The following SELENON variants were observed in gnomAD, a reference collection of about 807,000 sequenced individuals.
The protein encoded by SELENON is selenoprotein N, also known as selenoprotein N, 1.
SELENON carries 44 observed loss-of-function variants against 59.5 expected under a neutral mutation model. The observed-to-expected ratio is 0.74, with a 90% CI of 0.58 to 0.95. The LOEUF (loss-of-function observed/expected upper bound fraction) is 0.95. SELENON is among the 40% of genes least tolerant of loss of function. SELENON has a pLI of 0.00. For synonymous variants in SELENON, 320 were observed against 305.6 expected, an observed-to-expected ratio of 1.05 and a Z score of -0.49; for missense variants, 674 against 721.4, an observed-to-expected ratio of 0.93 and a Z score of 0.75.
At chr1:25,811,563 G>T in intron 8 of SELENON, 28 bp downstream of exon 7, 1 of 1,612,488 alleles carries the variant, frequency 6.2e-7, no homozygotes, top group Non-Finnish European at 8.5e-7. Context: ...TCCCATCCAG[G>T]TGGGCTCGGC....
At position 25,802,420 on chromosome 1, in the gene SELENON, A is replaced by C. The variant is rs575630619; in HGVS notation, c.403+303A>C. 7.5e-4 allele frequency among the ~76,000 whole-genome samples: 114 copies of C among 152,280 alleles called. 1 individual carries two copies. Among genetic ancestry groups the C allele is most frequent in the African/African-American group, 2.6e-3 (107 of 41,572 alleles). On this transcript the variant is annotated intron_variant, in intron 3 of 12. Transcript: ENST00000361547. ...CACCTAGACTGGAGTGCAGTGACAT[A>C]ATCTCAGCTCACTGCAGCTTCTGCC...
rs1396314792 is a variant in SELENON, at chr1:25,815,695, G to C, written c.1750G>C (p.Gly584Arg). Residue 584 changes from glycine to arginine, a missense_variant, in exon 13 of 13, where the codon GGC becomes CGC. By Grantham distance (125) the Gly-to-Arg change is moderately radical (BLOSUM62 -2). Coordinates refer to ENST00000361547, the MANE Select transcript of SELENON (RefSeq NM_020451.3). ...GTTCCTGAAGGAGGGACTCCGGCGT[G>C]GCCTGCCCCTCCTCCAGCCCTAGAG... 20 of 1,613,940 alleles carry C rather than the reference G, an allele frequency of 1.2e-5. No individual in the cohort carries two copies. The highest frequency in any genetic ancestry group is 1.6e-5 in the Non-Finnish European group (19 of 1,180,022).
At chr1:25,808,907 C>G in intron 5 of SELENON, 118 bp downstream of exon 4, 1 of 1,576,562 alleles carries the variant, frequency 6.3e-7, no homozygotes, top group East Asian at 2.2e-5. Flanking sequence ...CTGCCTTCCT[C>G]TGGACCTGCC....
chr1:25,811,375 T>C (rs970679108), intron 7 of SELENON, 79 bp from the exon 7 acceptor site: 2 of 1,224,032 alleles, frequency 1.6e-6, no homozygotes, highest in African/African-American at 1.5e-5. Flanking sequence ...GTGGAGACAG[T>C]TGCAGGTATT....
At chr1:25,806,853 G>A (rs1270479379) in intron 4 of SELENON, among the ~76,000 whole-genome samples, 7 of 141,410 alleles carry the variant, frequency 5.0e-5, no homozygotes, top group Non-Finnish European at 7.5e-5. Context: ...ACGGAGTCTC[G>A]CTCTGTCGCC....
chr1:25,805,382 A>ACTCCAC lies in SELENON; in HGVS notation c.537+107_537+108insCTCCAC, dbSNP rs2047898390. 5 of 1,471,138 alleles carry ACTCCAC rather than the reference A, an allele frequency of 3.4e-6. No homozygotes were observed. The South Asian group carries it at 4.6e-5, about 14-fold the overall frequency. 91.1% of individuals were successfully genotyped at this position (1,471,138 alleles called of 1,614,324 possible). A position where few individuals can be genotyped will look rare whatever the true frequency, so the allele number is the denominator to read the frequency against. On this transcript the variant is annotated intron_variant, in intron 4 of 12. Coordinates refer to ENST00000361547, the MANE Select transcript of SELENON (RefSeq NM_020451.3). ...TGCCCTCTGTGTGCCCACTAGAGCC[A>ACTCCAC]GGCCCTGGAGGTCCATGTGCGGTGA...
At chr1:25,808,478 G>A (rs929245354) in intron 4 of SELENON, 102 bp from the exon 4 acceptor site, 2 of 1,381,948 alleles carry the variant, frequency 1.4e-6, no homozygotes, top group Non-Finnish European at 1.0e-6. Context: ...CTCCCTTGGT[G>A]TGGGCTGGCT....
At chr1:25,800,486 G>C in intron 1 of SELENON, 73 bp downstream of exon 1, 2 of 853,900 alleles carry the variant, frequency 2.3e-6, no homozygotes, top group East Asian at 6.6e-5. Flanking sequence ...CAGCAGGGGG[G>C]ACATGGGCAT....
At chr1:25,808,941 C>T (rs903851418) in intron 5 of SELENON, 85 bp from the exon 5 acceptor site, 42 of 1,607,084 alleles carry the variant, frequency 2.6e-5, no homozygotes, top group Admixed American at 1.0e-4. Context: ...GCCCCTGGGC[C>T]GTCGGGTCTG....
At chr1:25,803,120 G>A (rs748411726) in intron 3 of SELENON, among the ~76,000 whole-genome samples, 4 of 152,182 alleles carry the variant, frequency 2.6e-5, no homozygotes, top group Non-Finnish European at 4.4e-5. Context: ...GAAAGCAGAT[G>A]GGCAGATAAA....
intron 4 of SELENON, among the ~76,000 whole-genome samples, chr1:25,806,155 A>G (rs1446749616): frequency 6.6e-6 from 1 of 152,226 alleles, no homozygotes; most frequent in Non-Finnish European, 1.5e-5. Context: ...CAGGAGTGCC[A>G]GGCTGGTCAC....
At chr1:25,804,778 A>C (rs2047891322) in intron 3 of SELENON, among the ~76,000 whole-genome samples, 1 of 151,534 alleles carries the variant, frequency 6.6e-6, no homozygotes, top group Non-Finnish European at 1.5e-5. Flanking sequence ...GGTTCCCTTG[A>C]CTGAGTTCCT....
chr1:25,801,993 C>A (rs1557427177), intron 2 of SELENON: 1 of 219,258 alleles, frequency 4.6e-6, no homozygotes, highest in East Asian at 1.5e-4. Context: ...GCAGCTATAA[C>A]TTTTTTTTTT....
chr1:25,809,544 G>A, intron 6 of SELENON, 139 bp from the exon 6 acceptor site: 1 of 1,218,262 alleles, frequency 8.2e-7, no homozygotes, highest in Non-Finnish European at 1.2e-6. Flanking sequence ...AGCATTTGGA[G>A]AGCCTCGCTG....
Position 25,814,046 on chromosome 1 carries a change from C to T in SELENON, c.1501-31C>T, listed in dbSNP as rs72877469. On this transcript the variant is annotated intron_variant, in intron 11 of 12. Transcript: ENST00000361547. ...GCGTCCGGAACAGTGGTGGGGGCCGCGGCATCAGGAGTGTGCAACTGTCCC... is the reference window on the plus strand; with the variant it reads ...GCGTCCGGAACAGTGGTGGGGGCCGTGGCATCAGGAGTGTGCAACTGTCCC... 7.8e-3 allele frequency: 12,560 copies of T among 1,609,110 alleles called. 643 individuals are homozygous for T. The African/African-American group carries it at 0.13, about 16-fold the overall frequency.
intron 4 of SELENON, among the ~76,000 whole-genome samples, chr1:25,806,654 G>C (rs1557428801): frequency 6.6e-6 from 1 of 152,076 alleles, no homozygotes; most frequent in South Asian, 2.1e-4. Flanking sequence ...AGGTCCCCAG[G>C]GGATGTTGGA....
At chr1:25,813,310 G>A (rs937829515) in intron 10 of SELENON, among the ~76,000 whole-genome samples, 1 of 152,174 alleles carries the variant, frequency 6.6e-6, no homozygotes, top group African/African-American at 2.4e-5. Context: ...CCCGTCAACC[G>A]TCAGTGCAGC....
chr1:25,811,476 TG>T lies in SELENON; in HGVS notation c.1035del (p.Trp345CysfsTer?). 6.2e-7 allele frequency: 1 copy of T among 1,613,914 alleles called. No homozygotes were observed. The highest frequency in any genetic ancestry group is 8.5e-7 in the Non-Finnish European group (1 of 1,180,000). On this transcript the variant is annotated frameshift_variant, in exon 8 of 13. Coordinates refer to ENST00000361547, the MANE Select transcript of SELENON (RefSeq NM_020451.3). LOFTEE classifies it high-confidence loss of function. Reference sequence around the variant, plus strand: ...CAGGTCTCTGAATGTGGACATGGAGTGGCTTTACGGGGCCAGTGAAAGCAGC... The same window carrying T: ...CAGGTCTCTGAATGTGGACATGGAGTGCTTTACGGGGCCAGTGAAAGCAGC...
chr1:25,813,588 C>A, intron 10 of SELENON: 1 of 483,792 alleles, frequency 2.1e-6, no homozygotes, highest in Non-Finnish European at 4.0e-6. Flanking sequence ...GAGGAACAGC[C>A]TGTGTGAAGG....
Sources: allele counts gnomAD v4.1 joint callset (sites outside exome capture counted in the v4.1 genomes callset), GRCh38; gene constraint gnomAD v4.1.1; transcripts MANE v1.5; gene names NCBI Gene and HGNC (gene_info 2026-07-23, HGNC 2026-07-21).